IL17F: variants seen among roughly 807,000 people sequenced by gnomAD.
IL17F encodes the protein interleukin-17F.
A neutral mutation model predicts 8.3 loss-of-function variants in IL17F; 6 were observed. That is an observed-to-expected ratio of 0.73 (90% CI 0.40 to 1.43). IL17F has a LOEUF of 1.43. Among genes scored for constraint, IL17F ranks in the 40% most tolerant of loss-of-function variants. The probability of loss-of-function intolerance (pLI) is 0.02; values close to 1 mark genes in which losing one functional copy is unlikely to be tolerated. For synonymous variants in IL17F, 98 were observed against 81.6 expected, an observed-to-expected ratio of 1.20 and a Z score of -1.08; for missense variants, 204 against 209.6, an observed-to-expected ratio of 0.97 and a Z score of 0.17.
At chr6:52,241,943 A>G (rs945201556) in intron 1 of IL17F, among the ~76,000 whole-genome samples, 9 of 152,342 alleles carry the variant, frequency 5.9e-5, no homozygotes, top group Middle Eastern at 3.4e-3. Flanking sequence ...CTAGATGTGC[A>G]TAAGTGTTGT....
chr6:52,242,593 T>C (rs1477263749), intron 1 of IL17F, among the ~76,000 whole-genome samples: 1 of 152,176 alleles, frequency 6.6e-6, no homozygotes, highest in Non-Finnish European at 1.5e-5. Context: ...AATTCACAAA[T>C]CTTGCCTCTG....
chr6:52,237,494 C>CATT (rs151027959), intron 2 of IL17F, among the ~76,000 whole-genome samples: 4,002 of 151,972 alleles, frequency 0.026, 104 homozygotes, highest in African/African-American at 0.068. Flanking sequence ...CTTTCATTGG[C>CATT]ATTATTATTA....
At chr6:52,237,719 C>T (rs1481223262) in intron 2 of IL17F, among the ~76,000 whole-genome samples, 3 of 152,066 alleles carry the variant, frequency 2.0e-5, no homozygotes, top group Admixed American at 6.5e-5. Context: ...TGCCATTGTA[C>T]ATATTCCACT....
At chr6:52,240,088 C>A (rs780717248) in intron 1 of IL17F, among the ~76,000 whole-genome samples, 2 of 152,202 alleles carry the variant, frequency 1.3e-5, no homozygotes, top group African/African-American at 2.4e-5. Context: ...ACCATTGCCA[C>A]TGACCCTTAC....
At chr6:52,239,668 A>T (rs774177994) in intron 1 of IL17F, among the ~76,000 whole-genome samples, 7 of 150,880 alleles carry the variant, frequency 4.6e-5, no homozygotes, top group Non-Finnish European at 7.4e-5. Context: ...TGTTCCTGTC[A>T]GATCTACACC....
chr6:52,238,388 G>C (rs1764007683), intron 2 of IL17F, among the ~76,000 whole-genome samples: 1 of 152,162 alleles, frequency 6.6e-6, no homozygotes, highest in Admixed American at 6.5e-5. Flanking sequence ...CGACTTTTCT[G>C]TTTCCCATTT....
In IL17F at chr6:52,236,903, C is replaced by G. The variant is rs772871633; in HGVS notation, c.*28G>C. 4.4e-6 allele frequency: 7 copies of G among 1,575,882 alleles called. No individual in the cohort carries two copies. Among genetic ancestry groups the G allele is most frequent in the Non-Finnish European group, 6.1e-6 (7 of 1,145,208 alleles). On this transcript the variant is annotated 3_prime_UTR_variant, in exon 3 of 3. Transcript: ENST00000336123. ...TGGGTAAGGAGTGGCATTTCTACAG[C>G]TTCTTCAGCTGAGTGGATATGCACC...
intron 1 of IL17F, among the ~76,000 whole-genome samples, chr6:52,240,885 C>CA (rs58169108): frequency 0.3 from 41,819 of 138,634 alleles, 6,526 homozygotes; most frequent in African/African-American, 0.46. Flanking sequence ...TCTGTTTCCT[C>CA]AAAAAAAAAA....
intron 1 of IL17F, 178 bp from the exon 2 acceptor site, chr6:52,239,128 C>T: frequency 1.6e-6 from 1 of 640,874 alleles, no homozygotes; most frequent in East Asian, 2.8e-5. Context: ...AGGTGCCAAA[C>T]TGAGAACTAA....
chr6:52,238,029 T>A (rs1446600138), intron 2 of IL17F, among the ~76,000 whole-genome samples: 1 of 152,224 alleles, frequency 6.6e-6, no homozygotes, highest in Admixed American at 6.5e-5. Flanking sequence ...AATAAACTCA[T>A]CCACTCGCTA....
chr6:52,239,280 A>C, intron 1 of IL17F: 1 of 338,690 alleles, frequency 3.0e-6, no homozygotes, highest in East Asian at 6.4e-5. Context: ...CTTCCTTCCA[A>C]CTGGATAATA....
At chr6:52,239,729 G>T (rs373983404) in intron 1 of IL17F, among the ~76,000 whole-genome samples, 95 of 152,274 alleles carry the variant, frequency 6.2e-4, no homozygotes, top group African/African-American at 2.2e-3. Flanking sequence ...AACACTTTTG[G>T]AATGAATGAG....
intron 2 of IL17F, 68 bp from the exon 3 acceptor site, chr6:52,237,236 A>G: frequency 8.2e-7 from 1 of 1,215,956 alleles, no homozygotes; most frequent in Non-Finnish European, 1.2e-6. Flanking sequence ...TGAGAGCCCC[A>G]CAGCACTGAG....
intron 2 of IL17F, among the ~76,000 whole-genome samples, chr6:52,237,901 G>A (rs1451250318): frequency 1.3e-5 from 2 of 151,874 alleles, no homozygotes; most frequent in Non-Finnish European, 2.9e-5. Flanking sequence ...AGTCCCATTG[G>A]ACACACACAG....
At position 52,240,874 on chromosome 6, in the gene IL17F, C is replaced by T. The variant is rs144108851; in HGVS notation, c.34-1924G>A. On this transcript the variant is annotated intron_variant, in intron 1 of 2. Transcript: ENST00000336123. ...ATTCCAGGACTCTTAGAAGCGATGACTCTGTTTCCTCAAAAAAAAAAAAAA... is the reference window on the plus strand; with the variant it reads ...ATTCCAGGACTCTTAGAAGCGATGATTCTGTTTCCTCAAAAAAAAAAAAAA... Among the ~76,000 whole-genome samples, 108 of 140,608 alleles carry T rather than the reference C, an allele frequency of 7.7e-4. 1 individual carries two copies. The highest frequency in any genetic ancestry group is 3.1e-3 in the African/African-American group (107 of 34,242). The allele number at this position is 140,608 out of a possible 152,430, so 92.2% of individuals were successfully genotyped here.
At position 52,244,260 on chromosome 6, in the gene IL17F, G is replaced by A. The variant is rs114228357; in HGVS notation, c.33+137C>T. ...TTTTTTCTTTTTCTCCACCAGACAG[G>A]AGTCAAAATTAAAGTCATCTCTGTT... On this transcript the variant is annotated intron_variant, in intron 1 of 2. Transcript: ENST00000336123. 375 of 856,174 alleles carry A rather than the reference G, an allele frequency of 4.4e-4. No individual in the cohort carries two copies. In the African/African-American group the frequency reaches 5.1e-3, roughly 12 times the overall value. 53.0% of individuals were successfully genotyped at this position (856,174 alleles called of 1,614,324 possible).
At chr6:52,238,984 A>G (rs1167523836) in intron 1 of IL17F, 34 bp from the exon 2 acceptor site, 1 of 1,576,588 alleles carries the variant, frequency 6.3e-7, no homozygotes, top group Non-Finnish European at 8.7e-7. Flanking sequence ...TCAGTTAGAG[A>G]CTCGCCTCAC....
intron 1 of IL17F, among the ~76,000 whole-genome samples, chr6:52,240,752 C>A (rs1764059000): frequency 6.6e-6 from 1 of 152,038 alleles, no homozygotes; most frequent in African/African-American, 2.4e-5. Flanking sequence ...TTTCATCCCC[C>A]ACAATCGTTC....
At position 52,238,811 on chromosome 6, in the gene IL17F, T is replaced by G; in HGVS notation, c.173A>C (p.Asp58Ala). The change falls in exon 2 of 3, where the codon GAC (aspartate) becomes GCC (alanine). Residue 58 changes from aspartate to alanine, a missense_variant. Coordinates refer to ENST00000336123, the MANE Select transcript of IL17F (RefSeq NM_052872.4). ...PPVPGGSMKLDIGIINENQRV... is the reference protein window; with the variant it reads ...PPVPGGSMKLAIGIINENQRV... ...CTGGTTTTCATTGATGATGCCAATG[T>G]CAAGCTTCATACTACCTCCTGGCAC... 1 of 1,614,162 alleles carries G rather than the reference T, an allele frequency of 6.2e-7. No homozygotes were observed. Among genetic ancestry groups the G allele is most frequent in the Non-Finnish European group, 8.5e-7 (1 of 1,179,990 alleles).
Sources: allele counts gnomAD v4.1 joint callset (sites outside exome capture counted in the v4.1 genomes callset), GRCh38; gene constraint gnomAD v4.1.1; transcripts MANE v1.5; gene names NCBI Gene and HGNC (gene_info 2026-07-23, HGNC 2026-07-21).